Variants in IL10RB observed in about 807,000 individuals in gnomAD.
IL10RB encodes interleukin-10 receptor subunit beta.
A neutral mutation model predicts 38.7 loss-of-function variants in IL10RB; 30 were observed. That is an observed-to-expected ratio of 0.78 (90% confidence interval 0.58 to 1.05). The LOEUF (loss-of-function observed/expected upper bound fraction) is 1.05. Ranked by LOEUF, IL10RB falls within the 50% of genes least tolerant of loss-of-function variation. The pLI is 0.00. For missense variants in IL10RB, 328 were observed against 397.1 expected (o/e 0.83, Z 1.48); for synonymous variants, 142 against 145.9 (o/e 0.97, Z 0.19).
At chr21:33,280,243 A>T (rs1037560581) in intron 4 of IL10RB, among the ~76,000 whole-genome samples, 1 of 152,194 alleles carries the variant, frequency 6.6e-6, no homozygotes, top group Non-Finnish European at 1.5e-5. Flanking sequence ...CTGTCCCATG[A>T]CATCAACCCC....
intron 4 of IL10RB, among the ~76,000 whole-genome samples, chr21:33,281,745 G>A (rs908614581): frequency 6.6e-6 from 1 of 152,076 alleles, no homozygotes; most frequent in African/African-American, 2.4e-5. Context: ...ACCACACCCC[G>A]CTAATTTTTC....
In IL10RB at chr21:33,268,449, G is replaced by A; in HGVS notation, c.105G>A (p.Lys35=). Reference sequence around the variant, plus strand: ...TCAGAATGAATTCTGTTAATTTCAAGAACATTCTACAGTGGGAGTCACCTG... The same window carrying A: ...TCAGAATGAATTCTGTTAATTTCAAAAACATTCTACAGTGGGAGTCACCTG... ...ENVRMNSVNF[K]NILQWESPAF... Residue 35 remains lysine (K), a synonymous_variant, in exon 2 of 7, where the codon AAG becomes AAA. Transcript: ENST00000290200. 6.2e-7 allele frequency: 1 copy of A among 1,614,148 alleles called. No individual in the cohort carries two copies. The highest frequency in any genetic ancestry group is 8.5e-7 in the Non-Finnish European group (1 of 1,179,944).
At chr21:33,307,083 C>G (rs1370714001) in intron 1 of IL10RB, among the ~76,000 whole-genome samples, 1 of 152,200 alleles carries the variant, frequency 6.6e-6, no homozygotes, top group Non-Finnish European at 1.5e-5. Context: ...ACTCCCCTGG[C>G]CTCCATTCCT....
At chr21:33,292,923 C>T (rs1989518275) in intron 6 of IL10RB, among the ~76,000 whole-genome samples, 1 of 152,200 alleles carries the variant, frequency 6.6e-6, no homozygotes, top group East Asian at 1.9e-4. Context: ...TGGGGCCCCT[C>T]CGTGCCAGCA....
At chr21:33,297,816 AAAAAAAAAGAAAGAAAGAAAGGAAAG>A (rs552846722), downstream of IL10RB, among the ~76,000 whole-genome samples, 73 of 131,662 alleles carry the variant, frequency 5.5e-4, no homozygotes, top group African/African-American at 2.6e-3. Flanking sequence ...AGACCCTGTC[AAAAAAAAAGAAAGAAAGAAAGGAAAG>A]AAAAAAAAGA....
intron 1 of IL10RB, among the ~76,000 whole-genome samples, chr21:33,305,598 A>C (rs575506290): frequency 4.7e-4 from 72 of 152,176 alleles, no homozygotes; most frequent in Non-Finnish European, 9.4e-4. Context: ...GAAACCAAAA[A>C]ACAATACAGT....
intron 4 of IL10RB, 64 bp downstream of exon 4, chr21:33,279,982 G>A: frequency 6.9e-7 from 1 of 1,440,700 alleles, no homozygotes; most frequent in Non-Finnish European, 9.8e-7. Context: ...AATCTTGCAA[G>A]GTGGCAGCAC....
intron 4 of IL10RB, among the ~76,000 whole-genome samples, chr21:33,282,684 A>G (rs1989301119): frequency 6.6e-6 from 1 of 152,034 alleles, no homozygotes; most frequent in Admixed American, 6.6e-5. Context: ...CCCAAGTTCA[A>G]GCGATTCTCG....
downstream of IL10RB, among the ~76,000 whole-genome samples, chr21:33,297,842 GAAAA>G (rs1339292582): frequency 1.3e-4 from 19 of 147,290 alleles, no homozygotes; most frequent in African/African-American, 5.1e-4. Context: ...AGAAAGGAAA[GAAAA>G]AAAAGAAAAG....
chr21:33,298,186 C>A (rs906956644), downstream of IL10RB, among the ~76,000 whole-genome samples: 1 of 152,136 alleles, frequency 6.6e-6, no homozygotes, highest in Non-Finnish European at 1.5e-5. Flanking sequence ...TTAAAAATAC[C>A]TTCACACCAA....
intron 2 of IL10RB, among the ~76,000 whole-genome samples, chr21:33,272,963 A>G (rs2123568323): frequency 6.6e-6 from 1 of 152,270 alleles, no homozygotes; most frequent in Non-Finnish European, 1.5e-5. Context: ...AGACTGATGA[A>G]TTGTTTTATA....
chr21:33,276,943 C>T (rs1989182621), intron 3 of IL10RB, among the ~76,000 whole-genome samples, 190 bp downstream of exon 3: 1 of 152,080 alleles, frequency 6.6e-6, no homozygotes, highest in African/African-American at 2.4e-5. Flanking sequence ...AAAAGATAGG[C>T]ATATCATCAA....
chr21:33,287,341 G>A (rs1568909283), intron 5 of IL10RB, among the ~76,000 whole-genome samples: 1 of 150,912 alleles, frequency 6.6e-6, no homozygotes, highest in Non-Finnish European at 1.5e-5. Context: ...TTAGTGCAGG[G>A]GTTTGTTTGT....
intron 1 of IL10RB, among the ~76,000 whole-genome samples, chr21:33,307,272 G>A (rs1014036328): frequency 7.9e-5 from 12 of 152,084 alleles, no homozygotes; most frequent in African/African-American, 2.2e-4. Context: ...ACATGTACTC[G>A]CTACAAATCC....
intron 1 of IL10RB, among the ~76,000 whole-genome samples, chr21:33,303,386 G>A (rs9975175): frequency 8.3e-6 from 1 of 119,790 alleles, no homozygotes; most frequent in African/African-American, 3.2e-5. Context: ...ACAGAGTCTT[G>A]CTCTGTTGCC....
intron 4 of IL10RB, 90 bp downstream of exon 4, chr21:33,280,008 T>C (rs1989252092): frequency 1.7e-6 from 2 of 1,173,834 alleles, no homozygotes; most frequent in Non-Finnish European, 1.3e-6. Flanking sequence ...GGACTGGTCC[T>C]CTGTAAGCCA....
In IL10RB at chr21:33,292,274, A is replaced by G. The variant is rs769031896; in HGVS notation, c.805-3910A>G. Among the ~76,000 whole-genome samples the G allele has an allele frequency of 3.0e-4, 46 of 152,240 alleles. 1 individual carries two copies. The highest frequency in any genetic ancestry group is 5.4e-4 in the Non-Finnish European group (37 of 68,016). On this transcript the variant is annotated intron_variant, in intron 6 of 6. Coordinates refer to ENST00000290200, the MANE Select transcript of IL10RB (RefSeq NM_000628.5). ...AGGTGATGATCAGACCCACGGCCCA[A>G]AGCTCTGCCCGTGGGGACACTTTCT...
Position 33,296,665 on chromosome 21 carries a change from A to T in IL10RB, c.*308A>T. The T allele has an allele frequency of 2.1e-6, 1 of 477,008 alleles. No homozygotes were observed. Among genetic ancestry groups the T allele is most frequent in the South Asian group, 1.7e-5 (1 of 58,094 alleles). The allele number at this position is 477,008 out of a possible 1,614,324, so 29.5% of individuals were successfully genotyped here. A position where few individuals can be genotyped will look rare whatever the true frequency, so the allele number is the denominator to read the frequency against. On this transcript the variant is annotated 3_prime_UTR_variant, in exon 7 of 7. Coordinates refer to ENST00000290200, the MANE Select transcript of IL10RB (RefSeq NM_000628.5). The stretch of plus-strand genomic sequence containing the variant: ...AGATCATGTTTTAATTGTGAGAAAC[A>T]GGGCCGAGCACAGTGGCTCACGCCT...
chr21:33,274,572 C>T (rs1282872829), intron 2 of IL10RB, among the ~76,000 whole-genome samples: 1 of 152,196 alleles, frequency 6.6e-6, no homozygotes, highest in Non-Finnish European at 1.5e-5. Flanking sequence ...ATGAAAACAG[C>T]ATTAATTTCC....
Sources: gnomAD v4.1 joint callset for allele counts (sites outside exome capture counted in the v4.1 genomes callset) on GRCh38, gnomAD v4.1.1 for gene constraint, MANE v1.5 for transcripts, NCBI Gene and HGNC (gene_info 2026-07-23, HGNC 2026-07-21) for gene names.